SYT2: variants seen among roughly 807,000 people sequenced by gnomAD.
The protein encoded by SYT2 is synaptotagmin-2.
A neutral mutation model predicts 39.9 loss-of-function variants in SYT2; 15 were observed. The observed-to-expected ratio is 0.38, with a 90% CI of 0.25 to 0.58. The LOEUF (loss-of-function observed/expected upper bound fraction) is 0.58. SYT2 is among the 20% of genes least tolerant of loss of function. The pLI, the probability that SYT2 is intolerant of heterozygous loss-of-function variation, is 0.70. For missense variants in SYT2, 389 were observed against 530.3 expected (o/e 0.73, Z 2.62); for synonymous variants, 181 against 204.5 (o/e 0.89, Z 0.98).
At position 202,614,598 on chromosome 1, in the gene SYT2, G is replaced by A. The variant is rs1032916090; in HGVS notation, c.-17-8809C>T. On this transcript the variant is annotated intron_variant, in intron 1 of 8. Coordinates refer to ENST00000367268, the MANE Select transcript of SYT2 (RefSeq NM_177402.5). This position sits in a 1 kb window ranked among gnomAD's most constrained non-coding sequence, Gnocchi z 4.0. ...GTGCAAGAAAGGAGAGCCATCTGGT[G>A]GTGGTGAGCATTTATAATGGGGCAT... Among the ~76,000 whole-genome samples, 1 of 152,226 alleles carries A rather than the reference G, an allele frequency of 6.6e-6. No individual in the cohort carries two copies. The highest frequency in any genetic ancestry group is 1.5e-5 in the Non-Finnish European group (1 of 68,040).
intron 1 of SYT2, among the ~76,000 whole-genome samples, chr1:202,691,737 G>C (rs1572682460): frequency 1.7e-5 from 1 of 57,366 alleles, no homozygotes; most frequent in African/African-American, 7.6e-5. Context: ...GGGGGGGAGA[G>C]AGAGAGAGAG....
chr1:202,608,368 C>T (rs1361043258), intron 1 of SYT2, among the ~76,000 whole-genome samples: 1 of 151,910 alleles, frequency 6.6e-6, no homozygotes, highest in Admixed American at 6.6e-5. Context: ...CCTCCACCTC[C>T]AGGGCTCAAG....
At chr1:202,638,254 C>A (rs747145258) in intron 1 of SYT2, among the ~76,000 whole-genome samples, 1 of 152,196 alleles carries the variant, frequency 6.6e-6, no homozygotes, top group Non-Finnish European at 1.5e-5. Flanking sequence ...TCCTCCCCCC[C>A]AGCCCCTCCC....
chr1:202,599,460 C>T lies in SYT2; in HGVS notation c.920-109G>A, dbSNP rs1010117567. 24 of 1,279,702 alleles carry T rather than the reference C, an allele frequency of 1.9e-5. No homozygotes were observed. The highest frequency in any genetic ancestry group is 1.3e-4 in the South Asian group (8 of 60,718). 79.3% of individuals were successfully genotyped at this position (1,279,702 alleles called of 1,614,324 possible). On this transcript the variant is annotated intron_variant, in intron 7 of 8. Transcript: ENST00000367268. This position sits in a 1 kb window ranked among gnomAD's most constrained non-coding sequence, Gnocchi z 4.4. ...ATCGGTCAAGAGGGGGTCTTCACTCCGCTGAGACCAGGCCCTCAGAAAGCC... is the reference window on the plus strand; with the variant it reads ...ATCGGTCAAGAGGGGGTCTTCACTCTGCTGAGACCAGGCCCTCAGAAAGCC...
intron 1 of SYT2, among the ~76,000 whole-genome samples, chr1:202,627,925 T>A (rs1173254059): frequency 6.6e-6 from 1 of 152,018 alleles, no homozygotes; most frequent in Non-Finnish European, 1.5e-5. Context: ...CAACTAAGGC[T>A]CTGAGATCAG....
intron 8 of SYT2, among the ~76,000 whole-genome samples, chr1:202,597,764 G>A (rs1248061166): frequency 6.6e-6 from 1 of 152,146 alleles, no homozygotes; most frequent in Non-Finnish European, 1.5e-5. Context: ...ACCCATTGGA[G>A]GATGCTGGAG....
At chr1:202,604,077 C>G (rs1252132699) in intron 3 of SYT2, among the ~76,000 whole-genome samples, 3 of 152,192 alleles carry the variant, frequency 2.0e-5, no homozygotes, top group Non-Finnish European at 4.4e-5. Flanking sequence ...CGCCCCATGC[C>G]CAGTTAGATG....
chr1:202,628,733 G>GAA lies in SYT2; in HGVS notation c.-17-22946_-17-22945dup, dbSNP rs1572638872. Reference sequence around the variant, plus strand: ...CAGTGAGGGGGAGAATTCCAAATTGGAAAGCCTCAACTTGGAATTCTATGT... The same window carrying GAA: ...CAGTGAGGGGGAGAATTCCAAATTGGAAAAAGCCTCAACTTGGAATTCTATGT... On this transcript the variant is annotated intron_variant, in intron 1 of 8. Transcript: ENST00000367268. This position sits in a 1 kb window ranked among gnomAD's most constrained non-coding sequence, Gnocchi z 4.2. 6.6e-6 allele frequency among the ~76,000 whole-genome samples: 1 copy of GAA among 152,202 alleles called. No individual in the cohort carries two copies. Among genetic ancestry groups the GAA allele is most frequent in the African/African-American group, 2.4e-5 (1 of 41,458 alleles).
At position 202,601,728 on chromosome 1, in the gene SYT2, G is replaced by A. The variant is rs1690509713; in HGVS notation, c.801+162C>T. 6.6e-6 allele frequency among the ~76,000 whole-genome samples: 1 copy of A among 152,222 alleles called. No individual in the cohort carries two copies. The highest frequency in any genetic ancestry group is 1.5e-5 in the Non-Finnish European group (1 of 68,042). On this transcript the variant is annotated intron_variant, in intron 6 of 8. Transcript: ENST00000367268. The surrounding 1 kb of genome is among the most constrained non-coding windows in gnomAD (Gnocchi z 4.0). ...AGGAGGGAACCCGAGTCCAGAGAGT[G>A]TAAGCAACTTGCCCAGGGTCACACA...
intron 1 of SYT2, among the ~76,000 whole-genome samples, chr1:202,690,276 T>A (rs962135279): frequency 2.6e-5 from 4 of 152,142 alleles, no homozygotes; most frequent in Non-Finnish European, 5.9e-5. Context: ...GCCTGGGACA[T>A]AGGAACCTCA....
At chr1:202,627,759 C>T (rs964939459) in intron 1 of SYT2, among the ~76,000 whole-genome samples, 6 of 152,330 alleles carry the variant, frequency 3.9e-5, no homozygotes, top group Admixed American at 6.5e-5. Flanking sequence ...TCTTCACTTT[C>T]GTTTCCTCCA....
At chr1:202,626,675 C>T (rs1691427110) in intron 1 of SYT2, among the ~76,000 whole-genome samples, 1 of 152,064 alleles carries the variant, frequency 6.6e-6, no homozygotes, top group African/African-American at 2.4e-5. Flanking sequence ...CCTAGATAGC[C>T]TCTCAGCTTT....
At chr1:202,703,535 C>G (rs1572689088) in intron 1 of SYT2, among the ~76,000 whole-genome samples, 1 of 152,094 alleles carries the variant, frequency 6.6e-6, no homozygotes, top group East Asian at 1.9e-4. Flanking sequence ...GGGAGAAGAG[C>G]CCTTCTCCCC....
At position 202,691,725 on chromosome 1, in the gene SYT2, GAGGGGGGGAGAGAGA is replaced by G. The variant is rs1558463372; in HGVS notation, c.-18+18518_-18+18532del. ...AGAGGGAGAGGGAGAGGGAGAGGGA[GAGGGGGGGAGAGAGA>G]GAGAGAGAGAGAGAGAGAGAGAGAG... is the stretch of plus-strand genomic sequence containing the variant. On this transcript the variant is annotated intron_variant, in intron 1 of 8. Transcript: ENST00000367268. Among the ~76,000 whole-genome samples, 27 of 16,364 alleles carry G rather than the reference GAGGGGGGGAGAGAGA, an allele frequency of 1.6e-3. 1 individual carries two copies. Among genetic ancestry groups the G allele is most frequent in the South Asian group, 4.5e-3 (1 of 224 alleles). The allele number at this position is 16,364 out of a possible 152,430, so 10.7% of individuals were successfully genotyped here.
intron 1 of SYT2, among the ~76,000 whole-genome samples, chr1:202,629,907 GTGACTCTGGAAGTCACTA>G (rs1691530950): frequency 9.3e-6 from 1 of 107,186 alleles, no homozygotes; most frequent in Non-Finnish European, 2.3e-5. Flanking sequence ...TTGCTCAGAA[GTGACTCTGGAAGTCACTA>G]GCACAAAAGG....
chr1:202,690,794 A>G (rs1334110387), intron 1 of SYT2, among the ~76,000 whole-genome samples: 1 of 152,198 alleles, frequency 6.6e-6, no homozygotes, highest in Admixed American at 6.5e-5. Flanking sequence ...AAGGAAAACA[A>G]TTCTAATAGT....
rs932885943 is a variant in SYT2, at chr1:202,623,945, T to C, written c.-17-18156A>G. Among the ~76,000 whole-genome samples the C allele has an allele frequency of 2.6e-5, 4 of 152,204 alleles. No homozygotes were observed. The highest frequency in any genetic ancestry group is 5.9e-5 in the Non-Finnish European group (4 of 68,034). ...AGCACCTTCCAGCACAGTCCCGATA[T>C]CTTTCATGCCAGATGCACATCTTCA... On this transcript the variant is annotated intron_variant, in intron 1 of 8. Coordinates refer to ENST00000367268, the MANE Select transcript of SYT2 (RefSeq NM_177402.5). This position sits in a 1 kb window ranked among gnomAD's most constrained non-coding sequence, Gnocchi z 4.2.
chr1:202,597,087 T>G, intron 8 of SYT2, 124 bp from the exon 9 acceptor site: 1 of 764,630 alleles, frequency 1.3e-6, no homozygotes, highest in Non-Finnish European at 2.1e-6. Flanking sequence ...CTCCTTGGTT[T>G]CATCTCTGCT....
In SYT2 at chr1:202,691,708, AGGGAGAGGGAGAGGGAGAGG is replaced by A. The variant is rs1457698659; in HGVS notation, c.-18+18530_-18+18549del. On this transcript the variant is annotated intron_variant, in intron 1 of 8. Transcript: ENST00000367268. Reference sequence around the variant, plus strand: ...GGGGGAGAGGGAGAGGGAGAGGGAGAGGGAGAGGGAGAGGGAGAGGGGGGGAGAGAGAGAGAGAGAGAGAG... The same window carrying A: ...GGGGGAGAGGGAGAGGGAGAGGGAGAGGGGGAGAGAGAGAGAGAGAGAGAG... Among the ~76,000 whole-genome samples, 157 of 40,764 alleles carry A rather than the reference AGGGAGAGGGAGAGGGAGAGG, an allele frequency of 3.9e-3. 2 individuals carry two copies. The highest frequency in any genetic ancestry group is 0.022 in the East Asian group (18 of 800). 26.7% of individuals were successfully genotyped at this position (40,764 alleles called of 152,430 possible). A position where few individuals can be genotyped will look rare whatever the true frequency, so the allele number is the denominator to read the frequency against.
Sources: gnomAD v4.1 joint callset for allele counts (sites outside exome capture counted in the v4.1 genomes callset) on GRCh38, gnomAD v4.1.1 for gene constraint, Gnocchi (gnomAD v3.1) non-coding constraint, MANE v1.5 for transcripts, NCBI Gene and HGNC (gene_info 2026-07-23, HGNC 2026-07-21) for gene names.